The following NECAB3 variants were observed in gnomAD, a reference collection of about 807,000 sequenced individuals.
The protein encoded by NECAB3 is N-terminal EF-hand calcium-binding protein 3.
Under a neutral mutation model 57.2 loss-of-function variants are expected in NECAB3, and 38 were observed. The ratio of observed to expected loss-of-function variants is 0.66; its 90% CI spans 0.51 to 0.87. NECAB3 has a LOEUF of 0.87. Ranked by LOEUF, NECAB3 falls within the 40% of genes least tolerant of loss-of-function variation. The pLI, the probability that NECAB3 is intolerant of heterozygous loss-of-function variation, is 0.00. For missense variants in NECAB3, 474 were observed against 527.5 expected (o/e 0.90, Z 0.99); for synonymous variants, 223 against 222.6 (o/e 1.00, Z -0.02).
Position 33,660,382 on chromosome 20 carries a change from G to A in NECAB3, c.401C>T (p.Ala134Val), listed in dbSNP as rs1213650055. Residue 134 changes from alanine to valine, a missense_variant, in exon 6 of 12, where the codon GCC becomes GTC. Physicochemically the swap from Ala to Val is moderately conservative, Grantham distance 64. Coordinates refer to ENST00000246190, the MANE Select transcript of NECAB3 (RefSeq NM_031232.4). This position sits in a 1 kb window ranked among gnomAD's most constrained non-coding sequence, Gnocchi z 4.1. ...MDATKLEYER[A>V]SKVDQFVTRF... The stretch of plus-strand genomic sequence containing the variant: ...CGTCACAAACTGGTCCACTTTGGAG[G>A]CCCTCTCGTACTCCTGTGGGCCAAG... 3 of 1,613,516 alleles carry A rather than the reference G, an allele frequency of 1.9e-6. No homozygotes were observed. Among genetic ancestry groups the A allele is most frequent in the Non-Finnish European group, 2.5e-6 (3 of 1,179,956 alleles).
At chr20:33,669,215 G>A (rs2017771202) in intron 5 of NECAB3, 160 bp downstream of exon 5, 5 of 643,824 alleles carry the variant, frequency 7.8e-6, no homozygotes, top group Non-Finnish European at 1.4e-5. Flanking sequence ...TGAGGAAACA[G>A]GCCCAGAGAG....
chr20:33,662,396 C>CA (rs1280055596), intron 5 of NECAB3: 2 of 1,551,446 alleles, frequency 1.3e-6, no homozygotes, highest in African/African-American at 2.7e-5. Context: ...AGCAGGCCCG[C>CA]AAGGAGAGGC....
chr20:33,659,516 A>G lies in NECAB3; in HGVS notation c.860T>C (p.Leu287Pro), dbSNP rs768780888. 3.3e-6 allele frequency: 5 copies of G among 1,508,824 alleles called. No individual in the cohort carries two copies. The highest frequency in any genetic ancestry group is 4.4e-5 in the Admixed American group (2 of 45,558). The allele number at this position is 1,508,824 out of a possible 1,614,324, so 93.5% of individuals were successfully genotyped here. ...GCTCACCAAGTCAGGCCCCTTGGCC[A>G]GGTCCTCTTCACGCAGGGGTTCCAG... The part of the protein sequence containing the change: ...PRLEPLREED[L>P]AKGPDLHILM... Residue 287 changes from leucine (L) to proline (P), a missense_variant, in exon 8 of 12, where the codon CTG becomes CCG. By Grantham distance (98) the Leu-to-Pro change is moderately conservative. Transcript: ENST00000246190.
intron 5 of NECAB3, chr20:33,663,466 G>A: frequency 1.3e-6 from 2 of 1,495,594 alleles, no homozygotes; most frequent in East Asian, 2.6e-5. Context: ...GAAGCGCGGA[G>A]CGGCCCCGGG....
At chr20:33,661,718 T>C (rs1418761294) in intron 5 of NECAB3, among the ~76,000 whole-genome samples, 3 of 152,216 alleles carry the variant, frequency 2.0e-5, no homozygotes, top group African/African-American at 7.2e-5. Context: ...CGGCATGATC[T>C]TGGCTCACCG....
intron 5 of NECAB3, chr20:33,668,350 A>T: frequency 7.2e-7 from 1 of 1,381,572 alleles, no homozygotes; most frequent in South Asian, 1.8e-5. Flanking sequence ...TGGATGGGTC[A>T]CCCCCATACC....
chr20:33,659,448 G>T, intron 8 of NECAB3, 49 bp downstream of exon 8: 1 of 1,406,684 alleles, frequency 7.1e-7, no homozygotes, highest in Non-Finnish European at 9.4e-7. Context: ...CAATTCATGA[G>T]CACCCCCAGA....
chr20:33,672,826 C>T (rs1353491120), intron 1 of NECAB3, among the ~76,000 whole-genome samples: 1 of 152,224 alleles, frequency 6.6e-6, no homozygotes, highest in Non-Finnish European at 1.5e-5. Context: ...CCGTCCTAGA[C>T]CTGAGCCCCG....
At chr20:33,674,055 G>A (rs1354620962) in intron 1 of NECAB3, among the ~76,000 whole-genome samples, 169 bp downstream of exon 1, 5 of 152,194 alleles carry the variant, frequency 3.3e-5, no homozygotes, top group African/African-American at 9.7e-5. Flanking sequence ...GAGGAGACAT[G>A]GAGAGACAGA....
chr20:33,660,049 C>T lies in NECAB3; in HGVS notation c.525-46G>A, dbSNP rs937405018. ...AGGGCCGAGGACTGGGGCCCCAGGA[C>T]GGGATAAGCCTGGGTGGGGAAGACA... On this transcript the variant is annotated intron_variant, in intron 6 of 11. Transcript: ENST00000246190. The surrounding 1 kb of genome is among the most constrained non-coding windows in gnomAD (Gnocchi z 4.1). 1.4e-5 allele frequency: 21 copies of T among 1,547,798 alleles called. No individual in the cohort carries two copies. Among genetic ancestry groups the T allele is most frequent in the African/African-American group, 2.7e-5 (2 of 73,724 alleles).
At position 33,674,250 on chromosome 20, in the gene NECAB3, G is replaced by C. The variant is rs754829697; in HGVS notation, c.103C>G (p.Pro35Ala). ...TCCTGGAAGAGCGTGTGTCCGGCGG[G>C]CCCCGGGTCGGGCGCGAGCTGGGGG... Reference protein sequence around the residue: ...RHPQLAPDPGPAGHTLFQDVF... With the variant: ...RHPQLAPDPGAAGHTLFQDVF... Residue 35 changes from proline to alanine, a missense_variant, in exon 1 of 12, where the codon CCC (proline) becomes GCC (alanine). Physicochemically the swap from Pro to Ala is conservative, Grantham distance 27 (BLOSUM62 -1). Transcript: ENST00000246190. 21 of 1,236,840 alleles carry C rather than the reference G, an allele frequency of 1.7e-5. No individual in the cohort carries two copies. Among genetic ancestry groups the C allele is most frequent in the Admixed American group, 4.1e-5 (1 of 24,380 alleles). The allele number at this position is 1,236,840 out of a possible 1,614,324, so 76.6% of individuals were successfully genotyped here.
intron 5 of NECAB3, chr20:33,663,402 AGGATGACAGGACCCGGGT>A (rs1453139955): frequency 2.7e-5 from 27 of 987,022 alleles, no homozygotes; most frequent in Middle Eastern, 3.2e-4. Context: ...TGTGCACGAG[AGGATGACAGGACCCGGGT>A]GGACGACAGG....
intron 5 of NECAB3, chr20:33,667,477 C>T: frequency 6.8e-7 from 1 of 1,467,920 alleles, no homozygotes; most frequent in South Asian, 1.4e-5. Flanking sequence ...GTTCGAGACC[C>T]TGGCAGTGCC....
chr20:33,658,829 G>A lies in NECAB3; in HGVS notation c.885C>T (p.Ile295=). 1.2e-6 allele frequency: 2 copies of A among 1,612,996 alleles called. No individual in the cohort carries two copies. The highest frequency in any genetic ancestry group is 1.1e-5 in the South Asian group (1 of 91,034). The change falls in exon 9 of 12, where the codon ATC becomes ATT. Residue 295 remains isoleucine, a synonymous_variant. Transcript: ENST00000246190. ...EDLAKGPDLH[I]LMAQRQVQVA... ...CCTGGACCTGCCTCTGGGCCATGAG[G>A]ATGTGCTGGTGGGAGAGGCAGCCGG...
chr20:33,657,772 A>T lies in NECAB3; in HGVS notation c.*57T>A. ...CTTTGCGCTGGGCTGGCCAGTCCAG[A>T]AGGCTCCAGAGGGAGGCAGGCAGGG... is the stretch of plus-strand genomic sequence containing the variant. On this transcript the variant is annotated 3_prime_UTR_variant, in exon 12 of 12. Transcript: ENST00000246190. 1 of 1,482,454 alleles carries T rather than the reference A, an allele frequency of 6.7e-7. No individual in the cohort carries two copies. Among genetic ancestry groups the T allele is most frequent in the Non-Finnish European group, 9.0e-7 (1 of 1,111,936 alleles). 91.8% of individuals were successfully genotyped at this position (1,482,454 alleles called of 1,614,324 possible). A position where few individuals can be genotyped will look rare whatever the true frequency, so the allele number is the denominator to read the frequency against.
chr20:33,672,399 ATTC>A lies in NECAB3; in HGVS notation c.150_152del (p.Lys50del), dbSNP rs1169568893. ...GGACCCAGGGGAAGCCACACTCACC[ATTC>A]TTGTCTGCTCTGCGGAAAACCTAGA... On this transcript the variant is annotated inframe_deletion and splice_region_variant, in exon 2 of 12. Coordinates refer to ENST00000246190, the MANE Select transcript of NECAB3 (RefSeq NM_031232.4). 6.2e-7 allele frequency: 1 copy of A among 1,614,114 alleles called. No individual in the cohort carries two copies. Among genetic ancestry groups the A allele is most frequent in the South Asian group, 1.1e-5 (1 of 91,082 alleles).
At chr20:33,674,473 C>T, upstream of NECAB3, 1 of 852,838 alleles carries the variant, frequency 1.2e-6, no homozygotes, top group Non-Finnish European at 1.4e-6. Context: ...CAGGCCCCGC[C>T]CCCGCCCCGC....
At chr20:33,673,346 A>C (rs1439352614) in intron 1 of NECAB3, among the ~76,000 whole-genome samples, 2 of 152,118 alleles carry the variant, frequency 1.3e-5, no homozygotes, top group Non-Finnish European at 2.9e-5. Context: ...GGGCTCAGGA[A>C]AGACTCTAAC....
At chr20:33,674,974 G>A (rs1007941401), upstream of NECAB3, 1 of 152,016 alleles carries the variant, frequency 6.6e-6, no homozygotes, top group Non-Finnish European at 1.5e-5. Flanking sequence ...TGCGAAAGAG[G>A]AGGTGTCACT....
Sources: allele counts gnomAD v4.1 joint callset (sites outside exome capture counted in the v4.1 genomes callset), GRCh38; gene constraint gnomAD v4.1.1; non-coding constraint Gnocchi (gnomAD v3.1); transcripts MANE v1.5; gene names NCBI Gene and HGNC (gene_info 2026-07-23, HGNC 2026-07-21).